Variants in TBC1D32 observed in about 807,000 individuals in gnomAD.
TBC1D32 encodes TBC1 domain family member 32.
A neutral mutation model predicts 170.3 loss-of-function variants in TBC1D32; 151 were observed. The observed-to-expected ratio is 0.89, with a 90% CI of 0.78 to 1.01. The LOEUF is 1.01. Ranked by LOEUF, TBC1D32 falls within the 50% of genes least tolerant of loss-of-function variation. The pLI is 0.00. For missense variants in TBC1D32, 1,464 were observed against 1,457.1 expected, an observed-to-expected ratio of 1.00 and a Z score of -0.08; for synonymous variants, 498 against 488.0, an observed-to-expected ratio of 1.02 and a Z score of -0.27.
chr6:121,227,957 C>T (rs796901811), intron 20 of TBC1D32, among the ~76,000 whole-genome samples: 1 of 152,206 alleles, frequency 6.6e-6, no homozygotes, highest in South Asian at 2.1e-4. Flanking sequence ...CTGACAAATT[C>T]AATTTCTTTA....
In TBC1D32 at chr6:121,079,554, C is replaced by T. The variant is rs1775451278; in HGVS notation, c.*1217G>A. ...TTAGATACAAGGAAAGAATAAAAAA[C>T]AGTATCTACAATTAGAAAAACTTAT... On this transcript the variant is annotated 3_prime_UTR_variant, in exon 32 of 32. Transcript: ENST00000398212. 1 of 151,854 alleles carries T rather than the reference C, an allele frequency of 6.6e-6. No homozygotes were observed. Among genetic ancestry groups the T allele is most frequent in the Non-Finnish European group, 1.5e-5 (1 of 67,910 alleles). The allele number at this position is 151,854 out of a possible 1,614,324, so 9.4% of individuals were successfully genotyped here.
intron 30 of TBC1D32, among the ~76,000 whole-genome samples, chr6:121,094,171 T>C (rs1241199398): frequency 6.7e-6 from 1 of 149,628 alleles, no homozygotes; most frequent in Non-Finnish European, 1.5e-5. Context: ...GCAAGTAACT[T>C]CTGTATTTTT....
rs1386818726 is a variant in TBC1D32 at position 121,079,896 on chromosome 6, A to T, written c.*875T>A. On this transcript the variant is annotated 3_prime_UTR_variant, in exon 32 of 32. Transcript: ENST00000398212. ...CTTCAATGAACCATGTAAAGACTTCATTTCAAACAAAGAATTATAAATTGA... is the reference window on the plus strand; with the variant it reads ...CTTCAATGAACCATGTAAAGACTTCTTTTCAAACAAAGAATTATAAATTGA... The T allele has an allele frequency of 6.6e-6, 1 of 152,222 alleles. No individual in the cohort carries two copies. Among genetic ancestry groups the T allele is most frequent in the East Asian group, 1.9e-4 (1 of 5,198 alleles). The allele number at this position is 152,222 out of a possible 1,614,324, so 9.4% of individuals were successfully genotyped here.
chr6:121,186,060 T>G (rs1583127712), intron 22 of TBC1D32, among the ~76,000 whole-genome samples: 1 of 152,256 alleles, frequency 6.6e-6, no homozygotes, highest in East Asian at 1.9e-4. Context: ...TCTTTGGTTT[T>G]CTAACCCTTT....
intron 29 of TBC1D32, among the ~76,000 whole-genome samples, chr6:121,109,842 AT>A (rs995526996): frequency 8.6e-5 from 13 of 151,394 alleles, no homozygotes; most frequent in Admixed American, 2.0e-4. Flanking sequence ...TCCTAAGCTT[AT>A]TTTTTTTTAA....
intron 27 of TBC1D32, among the ~76,000 whole-genome samples, 161 bp downstream of exon 27, chr6:121,115,011 T>A (rs1779553555): frequency 6.6e-6 from 1 of 152,186 alleles, no homozygotes; most frequent in Non-Finnish European, 1.5e-5. Flanking sequence ...AATTTAATCA[T>A]GTGCCAATAT....
At chr6:121,305,815 A>T (rs1807243019) in intron 5 of TBC1D32, among the ~76,000 whole-genome samples, 1 of 151,354 alleles carries the variant, frequency 6.6e-6, no homozygotes, top group Non-Finnish European at 1.5e-5. Flanking sequence ...GATCAAGCAC[A>T]AATTTAAAAT....
intron 9 of TBC1D32, among the ~76,000 whole-genome samples, chr6:121,299,969 T>A (rs1018805921): frequency 2.0e-5 from 3 of 152,188 alleles, no homozygotes; most frequent in African/African-American, 7.2e-5. Flanking sequence ...CCAACCATAT[T>A]TAAAAATGAT....
At chr6:121,095,565 G>C (rs889217934) in intron 30 of TBC1D32, among the ~76,000 whole-genome samples, 1 of 152,118 alleles carries the variant, frequency 6.6e-6, no homozygotes, top group Non-Finnish European at 1.5e-5. Context: ...TATTGGCTGT[G>C]AGTTTGTCAT....
chr6:121,268,870 G>A (rs755133944), intron 15 of TBC1D32, among the ~76,000 whole-genome samples: 6 of 152,112 alleles, frequency 3.9e-5, no homozygotes, highest in African/African-American at 1.2e-4. Context: ...GATAAAGGTC[G>A]GGTTATTCAC....
At chr6:121,135,006 G>C (rs550430096) in intron 24 of TBC1D32, among the ~76,000 whole-genome samples, 3 of 152,042 alleles carry the variant, frequency 2.0e-5, no homozygotes, top group Admixed American at 6.6e-5. Flanking sequence ...ATAATCTAAA[G>C]ACTGGCTAAA....
At chr6:121,294,411 A>C (rs1263417364) in intron 11 of TBC1D32, among the ~76,000 whole-genome samples, 159 bp downstream of exon 11, 1 of 152,168 alleles carries the variant, frequency 6.6e-6, no homozygotes, top group Non-Finnish European at 1.5e-5. Flanking sequence ...ATTATAGTGT[A>C]TCTTATAAAT....
chr6:121,221,271 A>T (rs1263658330), intron 21 of TBC1D32, among the ~76,000 whole-genome samples: 1 of 152,214 alleles, frequency 6.6e-6, no homozygotes, highest in South Asian at 2.1e-4. Context: ...CTCAGTAAAA[A>T]GATTCCTTTC....
chr6:121,247,830 T>C lies in TBC1D32; in HGVS notation c.2019-5491A>G, dbSNP rs557085430. Among the ~76,000 whole-genome samples, 14 of 151,378 alleles carry C rather than the reference T, an allele frequency of 9.2e-5. 1 individual carries two copies. The South Asian group carries it at 2.7e-3, about 29-fold the overall frequency. ...CCCACATTTATAAAACCATTACTAC[T>C]AGACCTAAGAAATGAGATTGACAAC... On this transcript the variant is annotated intron_variant, in intron 17 of 31. Coordinates refer to ENST00000398212, the MANE Select transcript of TBC1D32 (RefSeq NM_152730.6).
rs537910407 is a variant in TBC1D32, at chr6:121,080,506, G to A, written c.*265C>T. The A allele has an allele frequency of 1.7e-5, 5 of 302,948 alleles. No individual in the cohort carries two copies. Among genetic ancestry groups the A allele is most frequent in the East Asian group, 7.8e-5 (1 of 12,872 alleles). 18.8% of individuals were successfully genotyped at this position (302,948 alleles called of 1,614,324 possible). A position where few individuals can be genotyped will look rare whatever the true frequency, so the allele number is the denominator to read the frequency against. ...TGGGATTACAGGCATGAGCCACCGC[G>A]CCTGGCCAGGACTAACTCTTAAACA... On this transcript the variant is annotated 3_prime_UTR_variant, in exon 32 of 32. Transcript: ENST00000398212.
intron 22 of TBC1D32, among the ~76,000 whole-genome samples, chr6:121,180,931 T>C (rs543832079): frequency 1.3e-5 from 2 of 151,904 alleles, no homozygotes; most frequent in Non-Finnish European, 2.9e-5. Flanking sequence ...GGGCAAAAGA[T>C]ATAAACAGGT....
chr6:121,213,362 C>T (rs1562931928), intron 21 of TBC1D32, among the ~76,000 whole-genome samples: 1 of 151,866 alleles, frequency 6.6e-6, no homozygotes, highest in Non-Finnish European at 1.5e-5. Flanking sequence ...ATTCAGGATA[C>T]AAAATCAATG....
At chr6:121,311,352 A>G (rs1488142606) in intron 3 of TBC1D32, among the ~76,000 whole-genome samples, 2 of 152,218 alleles carry the variant, frequency 1.3e-5, no homozygotes, top group African/African-American at 4.8e-5. Flanking sequence ...AGATTATAAG[A>G]TATTTTGGAG....
intron 15 of TBC1D32, 150 bp downstream of exon 15, chr6:121,278,971 T>C: frequency 3.8e-6 from 3 of 790,110 alleles, no homozygotes. Context: ...ATTCTTATTT[T>C]GAAATTACAG....
Sources: gnomAD v4.1 joint callset for allele counts (sites outside exome capture counted in the v4.1 genomes callset) on GRCh38, gnomAD v4.1.1 for gene constraint, MANE v1.5 for transcripts, NCBI Gene and HGNC (gene_info 2026-07-23, HGNC 2026-07-21) for gene names.